Variants in TMEM132D observed in about 807,000 individuals in gnomAD.
TMEM132D encodes the protein transmembrane protein 132D, also known as mature OL transmembrane protein.
A neutral mutation model predicts 62.3 loss-of-function variants in TMEM132D; 21 were observed. The observed-to-expected ratio is 0.34, with a 90% CI of 0.24 to 0.49. TMEM132D has a LOEUF of 0.49. Ranked by LOEUF, TMEM132D falls within the 20% of genes least tolerant of loss-of-function variation. The pLI is 0.99. For missense variants in TMEM132D, 1,346 were observed against 1,402.8 expected (o/e 0.96, Z 0.65); for synonymous variants, 621 against 575.6 (o/e 1.08, Z -1.13).
chr12:129,529,357 G>A (rs1403821855), intron 3 of TMEM132D, among the ~76,000 whole-genome samples: 15 of 152,246 alleles, frequency 9.9e-5, no homozygotes, highest in Admixed American at 9.8e-4. Context: ...GCATTTGGAT[G>A]TCCTCTGAAT....
chr12:129,176,447 C>T (rs1016571492), intron 5 of TMEM132D, among the ~76,000 whole-genome samples: 1 of 152,172 alleles, frequency 6.6e-6, no homozygotes, highest in Non-Finnish European at 1.5e-5. Context: ...TTGTTGGGAC[C>T]CGTAATTCTA....
At chr12:129,221,868 T>C (rs1167775437) in intron 4 of TMEM132D, among the ~76,000 whole-genome samples, 1 of 152,188 alleles carries the variant, frequency 6.6e-6, no homozygotes, top group African/African-American at 2.4e-5. Flanking sequence ...TTTTTATTTC[T>C]TCCACATTAA....
chr12:129,447,860 T>C (rs571595156), intron 3 of TMEM132D, among the ~76,000 whole-genome samples: 1 of 152,328 alleles, frequency 6.6e-6, no homozygotes, highest in South Asian at 2.1e-4. Flanking sequence ...GATGCCGGCT[T>C]AATCACTTGG....
Position 129,253,969 on chromosome 12 carries a change from G to A in TMEM132D, c.1300-44306C>T, listed in dbSNP as rs541345903. 1.5e-3 allele frequency among the ~76,000 whole-genome samples: 234 copies of A among 152,320 alleles called. 1 individual carries two copies. Among genetic ancestry groups the A allele is most frequent in the Middle Eastern group, 3.4e-3 (1 of 294 alleles). ...CAACGTAAAAGCCCAAAAGGAAAAA[G>A]GAAACCTTTCTGATTCAGCAGTGAC... On this transcript the variant is annotated intron_variant, in intron 4 of 8. Coordinates refer to ENST00000422113, the MANE Select transcript of TMEM132D (RefSeq NM_133448.3).
chr12:129,269,492 T>C (rs908868937), intron 4 of TMEM132D, among the ~76,000 whole-genome samples: 1 of 152,170 alleles, frequency 6.6e-6, no homozygotes, highest in African/African-American at 2.4e-5. Context: ...CTCAACACTC[T>C]GGCTTAGAAT....
intron 5 of TMEM132D, among the ~76,000 whole-genome samples, chr12:129,091,628 G>A (rs1874921168): frequency 6.6e-6 from 1 of 151,110 alleles, no homozygotes; most frequent in Admixed American, 6.6e-5. Context: ...TTGGGCTCTG[G>A]GGTCCTTACC....
intron 1 of TMEM132D, among the ~76,000 whole-genome samples, chr12:129,850,796 G>A (rs765335162): frequency 4.6e-5 from 7 of 152,152 alleles, no homozygotes; most frequent in South Asian, 2.1e-4. Context: ...TGTTACCAAC[G>A]ATGATTTATT....
intron 1 of TMEM132D, among the ~76,000 whole-genome samples, chr12:129,846,570 T>C (rs1873369437): frequency 6.6e-6 from 1 of 152,186 alleles, no homozygotes; most frequent in Admixed American, 6.5e-5. Flanking sequence ...CGTTATGATA[T>C]ACCCAGGTGT....
chr12:129,826,180 G>A (rs73440428), intron 1 of TMEM132D, among the ~76,000 whole-genome samples: 18,562 of 152,138 alleles, frequency 0.12, 1,254 homozygotes, highest in African/African-American at 0.15. Flanking sequence ...TTCAAGGGCC[G>A]CACGTGTCTC....
At chr12:129,120,889 G>T (rs182941710) in intron 5 of TMEM132D, among the ~76,000 whole-genome samples, 27 of 151,604 alleles carry the variant, frequency 1.8e-4, no homozygotes, top group African/African-American at 5.8e-4. Context: ...ATTGTTTCCC[G>T]GTAAAATGCT....
intron 3 of TMEM132D, among the ~76,000 whole-genome samples, chr12:129,373,370 C>T (rs7973781): frequency 0.32 from 48,859 of 152,060 alleles, 8,517 homozygotes; most frequent in Middle Eastern, 0.39. Context: ...CGGTGGCTCA[C>T]GCCTGTAGTC....
At chr12:129,504,904 G>A (rs1907782) in intron 3 of TMEM132D, among the ~76,000 whole-genome samples, 1,706 of 152,154 alleles carry the variant, frequency 0.011, 27 homozygotes, top group African/African-American at 0.039. Context: ...GGTTTTTATA[G>A]GTTGTGTCAC....
intron 5 of TMEM132D, among the ~76,000 whole-genome samples, chr12:129,167,900 A>C (rs1877611537): frequency 6.6e-6 from 1 of 152,094 alleles, no homozygotes; most frequent in African/African-American, 2.4e-5. Flanking sequence ...GAGCATAAGG[A>C]CTGGTTCACT....
intron 5 of TMEM132D, among the ~76,000 whole-genome samples, chr12:129,090,892 A>C (rs1185976770): frequency 6.6e-6 from 1 of 152,114 alleles, no homozygotes; most frequent in Non-Finnish European, 1.5e-5. Flanking sequence ...TTGGCCCCAG[A>C]GTTGACCAGC....
chr12:129,219,345 TG>T (rs1255355105), intron 4 of TMEM132D, among the ~76,000 whole-genome samples: 2 of 152,212 alleles, frequency 1.3e-5, no homozygotes, highest in African/African-American at 2.4e-5. Context: ...TCCCCAGCCA[TG>T]TGGAACTGTG....
intron 1 of TMEM132D, among the ~76,000 whole-genome samples, chr12:129,871,034 T>G (rs1874223772): frequency 6.6e-6 from 1 of 152,212 alleles, no homozygotes; most frequent in Non-Finnish European, 1.5e-5. Flanking sequence ...ATGAGGCTTC[T>G]GTCCCAGAAA....
intron 2 of TMEM132D, among the ~76,000 whole-genome samples, chr12:129,680,229 A>G (rs1316204497): frequency 6.6e-6 from 1 of 152,212 alleles, no homozygotes; most frequent in Non-Finnish European, 1.5e-5. Context: ...GCTTCAGATT[A>G]TCATTCCAAT....
intron 3 of TMEM132D, among the ~76,000 whole-genome samples, chr12:129,497,841 A>C (rs1283374465): frequency 1.3e-5 from 2 of 152,028 alleles, no homozygotes; most frequent in Admixed American, 1.3e-4. Context: ...TTATGTTTTT[A>C]GGAGAGATGG....
chr12:129,460,245 G>A (rs1873618277), intron 3 of TMEM132D, among the ~76,000 whole-genome samples: 4 of 152,248 alleles, frequency 2.6e-5, no homozygotes, highest in Middle Eastern at 6.8e-3. Flanking sequence ...GTATTCCCGT[G>A]ATGTCCGTGG....
Sources: gnomAD v4.1 joint callset for allele counts (sites outside exome capture counted in the v4.1 genomes callset) on GRCh38, gnomAD v4.1.1 for gene constraint, MANE v1.5 for transcripts, NCBI Gene and HGNC (gene_info 2026-07-23, HGNC 2026-07-21) for gene names.